Variants in TSNARE1 observed in about 807,000 individuals in gnomAD.
The protein encoded by TSNARE1 is t-SNARE domain containing 1.
TSNARE1 carries 49 observed loss-of-function variants against 62.0 expected under a neutral mutation model. That is an observed-to-expected ratio of 0.79 (90% confidence interval 0.63 to 1.00). The LOEUF (loss-of-function observed/expected upper bound fraction) is 1.00. TSNARE1 is among the 50% of genes least tolerant of loss of function. TSNARE1 has a pLI of 0.00. For missense variants in TSNARE1, 755 were observed against 700.1 expected (o/e 1.08, Z -0.88); for synonymous variants, 328 against 294.4 (o/e 1.11, Z -1.17).
chr8:142,296,621 G>C (rs1425857934), intron 10 of TSNARE1, among the ~76,000 whole-genome samples: 1 of 152,028 alleles, frequency 6.6e-6, no homozygotes, highest in Non-Finnish European at 1.5e-5. Flanking sequence ...CTTCTGTCAG[G>C]GCAGGGACCA....
chr8:142,245,690 C>A (rs754157796), intron 12 of TSNARE1, among the ~76,000 whole-genome samples: 1 of 152,182 alleles, frequency 6.6e-6, no homozygotes, highest in Non-Finnish European at 1.5e-5. Context: ...CCATTTAAAA[C>A]TACATAAGAG....
chr8:142,341,222 G>C (rs1832541861), intron 4 of TSNARE1, among the ~76,000 whole-genome samples: 1 of 152,174 alleles, frequency 6.6e-6, no homozygotes, highest in African/African-American at 2.4e-5. Flanking sequence ...AGAGGACAAG[G>C]ACATTGAGAG....
intron 2 of TSNARE1, among the ~76,000 whole-genome samples, chr8:142,348,736 T>C (rs1192676822): frequency 6.6e-6 from 1 of 151,470 alleles, no homozygotes; most frequent in Admixed American, 6.6e-5. Context: ...CCGCTGCTGG[T>C]GCGCTGAGGA....
chr8:142,329,432 G>A (rs1830704670), intron 6 of TSNARE1, among the ~76,000 whole-genome samples: 1 of 152,220 alleles, frequency 6.6e-6, no homozygotes, highest in Non-Finnish European at 1.5e-5. Flanking sequence ...TGAGGGCCAG[G>A]GTCCGGACGT....
chr8:142,402,091 C>A (rs1185496053), intron 1 of TSNARE1, among the ~76,000 whole-genome samples: 1 of 152,064 alleles, frequency 6.6e-6, no homozygotes, highest in Non-Finnish European at 1.5e-5. Context: ...ATACCGGAAG[C>A]GGAGCTGCCC....
At chr8:142,338,274 G>A (rs1189184029) in intron 4 of TSNARE1, among the ~76,000 whole-genome samples, 1 of 152,214 alleles carries the variant, frequency 6.6e-6, no homozygotes, top group Non-Finnish European at 1.5e-5. Flanking sequence ...GCAGACGAAG[G>A]CCTCTGATGA....
chr8:142,320,156 T>A (rs1586784050), intron 6 of TSNARE1, among the ~76,000 whole-genome samples: 1 of 152,094 alleles, frequency 6.6e-6, no homozygotes. Flanking sequence ...CACCACTGCA[T>A]CCCCTCACAT....
chr8:142,361,712 T>C (rs191626929), intron 1 of TSNARE1, among the ~76,000 whole-genome samples: 1 of 152,130 alleles, frequency 6.6e-6, no homozygotes, highest in South Asian at 2.1e-4. Context: ...GTGGAACACA[T>C]GCTACCTTCA....
intron 1 of TSNARE1, among the ~76,000 whole-genome samples, chr8:142,371,531 A>G (rs1267859447): frequency 6.6e-6 from 1 of 152,228 alleles, no homozygotes. Context: ...AATAAGGCTG[A>G]CATCACAAAA....
At chr8:142,250,860 G>A (rs78778150) in intron 12 of TSNARE1, among the ~76,000 whole-genome samples, 6,248 of 152,320 alleles carry the variant, frequency 0.041, 150 homozygotes, top group South Asian at 0.073. Flanking sequence ...AGGAGCCGAC[G>A]GACGAGGGGC....
chr8:142,400,907 G>C (rs1236342329), intron 1 of TSNARE1, among the ~76,000 whole-genome samples: 2 of 152,222 alleles, frequency 1.3e-5, no homozygotes, highest in Non-Finnish European at 2.9e-5. Context: ...AGTAAACTGA[G>C]TAATGAACAC....
intron 12 of TSNARE1, chr8:142,274,036 G>A: frequency 1.0e-6 from 1 of 985,144 alleles, no homozygotes. Context: ...CTGGCCCAGG[G>A]GCTTCTTCTG....
chr8:142,385,921 G>T (rs1159375831), intron 1 of TSNARE1, among the ~76,000 whole-genome samples: 1 of 152,148 alleles, frequency 6.6e-6, no homozygotes, highest in Non-Finnish European at 1.5e-5. Flanking sequence ...CGGATTGCAG[G>T]AAGAATCCAG....
At chr8:142,307,989 G>A (rs1442430704) in intron 9 of TSNARE1, among the ~76,000 whole-genome samples, 1 of 152,198 alleles carries the variant, frequency 6.6e-6, no homozygotes, top group East Asian at 1.9e-4. Context: ...AACTCGTGTT[G>A]CCAAGTACAC....
At chr8:142,260,820 A>G (rs1818821833) in intron 12 of TSNARE1, among the ~76,000 whole-genome samples, 1 of 150,992 alleles carries the variant, frequency 6.6e-6, no homozygotes. Flanking sequence ...CCCAGAGCTA[A>G]TGTTCCACAG....
chr8:142,275,635 G>A (rs142441688), intron 11 of TSNARE1: 24 of 985,422 alleles, frequency 2.4e-5, no homozygotes, highest in African/African-American at 5.2e-5. Context: ...GAGCAAACAC[G>A]AGCACGGGCA....
intron 6 of TSNARE1, among the ~76,000 whole-genome samples, chr8:142,320,301 C>A (rs549509710): frequency 1.3e-5 from 2 of 152,308 alleles, no homozygotes; most frequent in East Asian, 3.9e-4. Flanking sequence ...TCTAAGCCCA[C>A]GCGGGTGGCC....
chr8:142,401,974 C>G (rs1368620379), intron 1 of TSNARE1, among the ~76,000 whole-genome samples: 1 of 152,152 alleles, frequency 6.6e-6, no homozygotes, highest in Non-Finnish European at 1.5e-5. Flanking sequence ...CAACAATCCC[C>G]ACCCCTGTCT....
chr8:142,355,801 C>T (rs1834682873), intron 1 of TSNARE1, among the ~76,000 whole-genome samples: 1 of 152,208 alleles, frequency 6.6e-6, no homozygotes, highest in African/African-American at 2.4e-5. Context: ...CAGCTGAGTA[C>T]AGACCCAAGT....
Sources: gnomAD v4.1 joint callset for allele counts (sites outside exome capture counted in the v4.1 genomes callset) on GRCh38, gnomAD v4.1.1 for gene constraint, MANE v1.5 for transcripts, NCBI Gene and HGNC (gene_info 2026-07-23, HGNC 2026-07-21) for gene names.